Variants in SS18L1 observed in about 807,000 individuals in gnomAD.
The protein encoded by SS18L1 is calcium-responsive transactivator.
In SS18L1, 32 loss-of-function variants were observed where a neutral mutation model predicts 70.3. The ratio of observed to expected loss-of-function variants is 0.46; its 90% CI spans 0.34 to 0.61. SS18L1 has a LOEUF of 0.61. Ranked by LOEUF, SS18L1 falls within the 20% of genes least tolerant of loss-of-function variation. The pLI, the probability that SS18L1 is intolerant of heterozygous loss-of-function variation, is 0.01. For missense variants in SS18L1, 430 were observed against 542.1 expected, an observed-to-expected ratio of 0.79 and a Z score of 2.05; for synonymous variants, 237 against 229.7, an observed-to-expected ratio of 1.03 and a Z score of -0.29.
intron 4 of SS18L1, 161 bp from the exon 5 acceptor site, chr20:62,162,591 A>G (rs2057349403): frequency 2.7e-6 from 2 of 741,140 alleles, no homozygotes; most frequent in Admixed American, 3.3e-5. Flanking sequence ...GGCATGAGCC[A>G]CTGCTCCCGG....
At chr20:62,165,269 G>T (rs958929091) in intron 7 of SS18L1, among the ~76,000 whole-genome samples, 153 bp from the exon 8 acceptor site, 1 of 152,194 alleles carries the variant, frequency 6.6e-6, no homozygotes, top group African/African-American at 2.4e-5. Context: ...AGGCTCAGGA[G>T]GTTGGGGCAT....
In SS18L1 at chr20:62,159,491, C is replaced by A. The variant is rs1023614167; in HGVS notation, c.147-386C>A. ...TCAGGGTCGTTGGCTCTATGGAGTC[C>A]GCCCACTGCCTGGCTCAGCTGGACG... On this transcript the variant is annotated intron_variant, in intron 2 of 10. Transcript: ENST00000331758. This position sits in a 1 kb window ranked among gnomAD's most constrained non-coding sequence, Gnocchi z 4.4. Among the ~76,000 whole-genome samples, 3 of 152,168 alleles carry A rather than the reference C, an allele frequency of 2.0e-5. No individual in the cohort carries two copies. The highest frequency in any genetic ancestry group is 1.5e-5 in the Non-Finnish European group (1 of 68,030).
rs148820120 is a variant in SS18L1, at chr20:62,181,289, G to C, written c.*2081G>C. ...AGTTCTTAATTGCTAATTGACAAAC[G>C]CGTTAGCAATTTCAGTTAGGGAGTC... On this transcript the variant is annotated 3_prime_UTR_variant, in exon 11 of 11. Coordinates refer to ENST00000331758, the MANE Select transcript of SS18L1 (RefSeq NM_198935.3). 10 of 208,556 alleles carry C rather than the reference G, an allele frequency of 4.8e-5. No homozygotes were observed. Among genetic ancestry groups the C allele is most frequent in the Non-Finnish European group, 7.8e-5 (8 of 102,468 alleles). 12.9% of individuals were successfully genotyped at this position (208,556 alleles called of 1,614,324 possible).
intron 5 of SS18L1, among the ~76,000 whole-genome samples, 191 bp from the exon 6 acceptor site, chr20:62,163,267 A>C (rs908036538): frequency 6.6e-6 from 1 of 151,940 alleles, no homozygotes; most frequent in Non-Finnish European, 1.5e-5. Flanking sequence ...CGGTGCAAGC[A>C]GCGGGTCTGA....
At chr20:62,175,017 G>A (rs2057596794) in intron 10 of SS18L1, 4 of 819,280 alleles carry the variant, frequency 4.9e-6, no homozygotes, top group Admixed American at 6.2e-5. Flanking sequence ...AGAGACATAA[G>A]GTGGTCCCAC....
chr20:62,152,164 G>C (rs111279821), intron 1 of SS18L1, among the ~76,000 whole-genome samples: 1 of 152,088 alleles, frequency 6.6e-6, no homozygotes, highest in East Asian at 1.9e-4. Context: ...GAGTCTCCTG[G>C]GGCTCCGCTG....
rs778293723 is a variant in SS18L1, at chr20:62,165,410, C to T, written c.824-12C>T. The T allele has an allele frequency of 1.2e-5, 20 of 1,608,912 alleles. No individual in the cohort carries two copies. The East Asian group carries it at 1.6e-4, about 13-fold the overall frequency. ...AGCCTCCGCTGACTGTCGCCGTCTCCGTTTCGCACAGGCCATGGCGATTAC... is the reference window on the plus strand; with the variant it reads ...AGCCTCCGCTGACTGTCGCCGTCTCTGTTTCGCACAGGCCATGGCGATTAC... On this transcript the variant is annotated splice_polypyrimidine_tract_variant and intron_variant, in intron 7 of 10. Transcript: ENST00000331758.
rs1320246378 is a variant in SS18L1 at position 62,174,781 on chromosome 20, C to T, written c.1164+137C>T. ...GGGTTCCTTCCAGAACGTTAAGTCTCTGAGCCTGTAAGGTTTTGCAGAATT... is the reference window on the plus strand; with the variant it reads ...GGGTTCCTTCCAGAACGTTAAGTCTTTGAGCCTGTAAGGTTTTGCAGAATT... On this transcript the variant is annotated intron_variant, in intron 10 of 10. Coordinates refer to ENST00000331758, the MANE Select transcript of SS18L1 (RefSeq NM_198935.3). This position sits in a 1 kb window ranked among gnomAD's most constrained non-coding sequence, Gnocchi z 4.1. 1 of 1,566,718 alleles carries T rather than the reference C, an allele frequency of 6.4e-7. No homozygotes were observed. Among genetic ancestry groups the T allele is most frequent in the African/African-American group, 1.4e-5 (1 of 73,694 alleles).
intron 1 of SS18L1, among the ~76,000 whole-genome samples, chr20:62,152,883 G>A (rs1010666326): frequency 1.3e-5 from 2 of 152,184 alleles, no homozygotes; most frequent in African/African-American, 4.8e-5. Context: ...GTGCATTTCC[G>A]TCCTGTCAGG....
rs779224462 is a variant in SS18L1 at position 62,163,608 on chromosome 20, G to A, written c.707G>A (p.Arg236Gln). 11 of 1,594,998 alleles carry A rather than the reference G, an allele frequency of 6.9e-6. No homozygotes were observed. Among genetic ancestry groups the A allele is most frequent in the Non-Finnish European group, 9.4e-6 (11 of 1,173,724 alleles). The change falls in exon 6 of 11, where the codon CGG (arginine) becomes CAG (glutamine). Residue 236 changes from arginine to glutamine, a missense_variant. Coordinates refer to ENST00000331758, the MANE Select transcript of SS18L1 (RefSeq NM_198935.3). The stretch of plus-strand genomic sequence containing the variant: ...GGGCAGCGGCCCATGGCGCCCTACC[G>A]GCCCTCCCAGCAAGGTAACGCCCGG... ...MMGQRPMAPY[R>Q]PSQQGSSQQY...
In SS18L1 at chr20:62,161,564, G is replaced by A; in HGVS notation, c.360G>A (p.Gln120=). 6.2e-7 allele frequency: 1 copy of A among 1,609,294 alleles called. No individual in the cohort carries two copies. The highest frequency in any genetic ancestry group is 8.5e-7 in the Non-Finnish European group (1 of 1,177,112). Residue 120 remains glutamine, a synonymous_variant, in exon 4 of 11, where the codon CAG becomes CAA. Coordinates refer to ENST00000331758, the MANE Select transcript of SS18L1 (RefSeq NM_198935.3). This position sits in a 1 kb window ranked among gnomAD's most constrained non-coding sequence, Gnocchi z 4.4. The stretch of plus-strand genomic sequence containing the variant: ...GCCTGCCACCCTCCTCCCTCCTGCA[G>A]GGCCAGATTGGCAACGGTGAGTGCG... ...STGLPPSSLL[Q]GQIGNGPSHV... is the part of the protein sequence containing the mutation.
Position 62,164,375 on chromosome 20 carries a change from T to C in SS18L1, c.823+129T>C, listed in dbSNP as rs866854067. ...CAGTCATTCCAGCTCAGGCCTGGGC[T>C]ACAGGCAGAGTGGCCAGACGCCCTG... On this transcript the variant is annotated intron_variant, in intron 7 of 10. Coordinates refer to ENST00000331758, the MANE Select transcript of SS18L1 (RefSeq NM_198935.3). 5 of 1,024,120 alleles carry C rather than the reference T, an allele frequency of 4.9e-6. No homozygotes were observed. The South Asian group carries it at 8.7e-5, about 18-fold the overall frequency. The allele number at this position is 1,024,120 out of a possible 1,614,324, so 63.4% of individuals were successfully genotyped here. A position where few individuals can be genotyped will look rare whatever the true frequency, so the allele number is the denominator to read the frequency against.
intron 8 of SS18L1, among the ~76,000 whole-genome samples, chr20:62,167,419 G>T (rs1050687086): frequency 6.6e-6 from 1 of 151,748 alleles, no homozygotes; most frequent in Non-Finnish European, 1.5e-5. Context: ...AAAAATGCCG[G>T]GCGTGGTGGC....
intron 9 of SS18L1, among the ~76,000 whole-genome samples, chr20:62,173,231 TCAC>T: frequency 6.6e-6 from 1 of 152,272 alleles, no homozygotes; most frequent in South Asian, 2.1e-4. Context: ...GTCTCAGCCT[TCAC>T]TGCAGCTTAC....
chr20:62,160,023 C>T (rs955624938), intron 3 of SS18L1, 62 bp downstream of exon 3: 27 of 1,498,446 alleles, frequency 1.8e-5, no homozygotes, highest in African/African-American at 6.9e-5. Flanking sequence ...TGCCTAAGAT[C>T]GGAATTGTGG....
chr20:62,165,717 C>T (rs536131903), intron 8 of SS18L1, among the ~76,000 whole-genome samples: 198 of 152,266 alleles, frequency 1.3e-3, no homozygotes, highest in Middle Eastern at 3.4e-3. Context: ...TGGGTGTGTT[C>T]GTGAGACAGG....
At chr20:62,175,069 G>C in intron 10 of SS18L1, among the ~76,000 whole-genome samples, 1 of 152,222 alleles carries the variant, frequency 6.6e-6, no homozygotes, top group South Asian at 2.1e-4. Context: ...GGCCCCAAAT[G>C]GAGCCCGCCT....
At chr20:62,166,850 G>A (rs987209285) in intron 8 of SS18L1, among the ~76,000 whole-genome samples, 2 of 150,670 alleles carry the variant, frequency 1.3e-5, no homozygotes, top group Non-Finnish European at 2.9e-5. Context: ...GCTTGAACCC[G>A]GGAGGTGTAG....
chr20:62,161,327 A>G lies in SS18L1; in HGVS notation c.232-109A>G. On this transcript the variant is annotated intron_variant, in intron 3 of 10. Transcript: ENST00000331758. This position sits in a 1 kb window ranked among gnomAD's most constrained non-coding sequence, Gnocchi z 4.4. ...GATTACGAACATTGACCAGGTGGCC[A>G]TGATGTGTGGCGGCAAATCTCGGGT... 6.7e-7 allele frequency: 1 copy of G among 1,502,038 alleles called. No homozygotes were observed. The highest frequency in any genetic ancestry group is 9.2e-7 in the Non-Finnish European group (1 of 1,084,182). The allele number at this position is 1,502,038 out of a possible 1,614,324, so 93.0% of individuals were successfully genotyped here.
Sources: allele counts gnomAD v4.1 joint callset (sites outside exome capture counted in the v4.1 genomes callset), GRCh38; gene constraint gnomAD v4.1.1; non-coding constraint Gnocchi (gnomAD v3.1); transcripts MANE v1.5; gene names NCBI Gene and HGNC (gene_info 2026-07-23, HGNC 2026-07-21).